TANK: variants seen among roughly 807,000 people sequenced by gnomAD.
The protein encoded by TANK is TRAF family member-associated NF-kappa-B activator.
A neutral mutation model predicts 43.6 loss-of-function variants in TANK; 15 were observed. The observed-to-expected ratio is 0.34, with a 90% CI of 0.23 to 0.53. The LOEUF is 0.53. TANK is among the 20% of genes least tolerant of loss of function. The pLI is 0.94. For synonymous variants in TANK, 162 were observed against 178.2 expected (o/e 0.91, Z 0.73); for missense variants, 417 against 498.6 (o/e 0.84, Z 1.56).
chr2:161,232,876 G>T, intron 7 of TANK: 1 of 1,545,660 alleles, frequency 6.5e-7, no homozygotes, highest in South Asian at 1.2e-5. Context: ...GTGTTGAGTT[G>T]TCACAAGACA....
intron 6 of TANK, among the ~76,000 whole-genome samples, chr2:161,228,405 C>T (rs1343640068): frequency 1.3e-5 from 2 of 152,164 alleles, no homozygotes; most frequent in African/African-American, 2.4e-5. Context: ...GTGACGCATG[C>T]CCGTAATCCC....
intron 4 of TANK, chr2:161,205,097 G>A: frequency 3.7e-6 from 2 of 536,776 alleles, no homozygotes; most frequent in Non-Finnish European, 5.2e-6. Context: ...GGCCAAGGAG[G>A]GAGGATCACT....
Position 161,185,981 on chromosome 2 carries a change from A to G in TANK, c.99+6220A>G, listed in dbSNP as rs532862737. Among the ~76,000 whole-genome samples, 8 of 152,326 alleles carry G rather than the reference A, an allele frequency of 5.3e-5. No homozygotes were observed. In the South Asian group the frequency reaches 1.7e-3, roughly 32 times the overall value. On this transcript the variant is annotated intron_variant, in intron 2 of 7. Transcript: ENST00000392749. ...ATCAGTCTCCTACTCAAAATTTTTC[A>G]GTGATTTCTATAAAATAAAAGCCAA...
At chr2:161,160,615 G>A (rs1171233543) in intron 1 of TANK, 129 bp downstream of exon 1, 2 of 764,438 alleles carry the variant, frequency 2.6e-6, no homozygotes, top group Non-Finnish European at 3.8e-6. Context: ...GAGGAGCAGC[G>A]GAGACAACCA....
intron 2 of TANK, chr2:161,197,209 A>G (rs1480912302): frequency 1.3e-5 from 2 of 152,046 alleles, no homozygotes; most frequent in Admixed American, 6.5e-5. Context: ...TGTTATTTGA[A>G]TTTTTCAACA....
chr2:161,191,774 C>T (rs968035386), intron 2 of TANK, among the ~76,000 whole-genome samples: 7 of 152,042 alleles, frequency 4.6e-5, no homozygotes, highest in African/African-American at 1.7e-4. Flanking sequence ...ATACCTTGTA[C>T]TACCCTTCCT....
chr2:161,191,701 AAATTGTC>A (rs1685922200), intron 2 of TANK, among the ~76,000 whole-genome samples: 1 of 152,208 alleles, frequency 6.6e-6, no homozygotes, highest in Admixed American at 6.5e-5. Context: ...TCTCTGCCAA[AAATTGTC>A]AATAGTCTTT....
Position 161,235,375 on chromosome 2 carries a change from G to A in TANK, c.1135G>A (p.Asp379Asn), listed in dbSNP as rs143921318. The change falls in exon 8 of 8, where the codon GAC becomes AAC. Residue 379 changes from aspartate (D) to asparagine (N), a missense_variant. Transcript: ENST00000392749. Reference protein sequence around the residue: ...IWKPFPNQDSDSVVLSGTDSE... With the variant: ...IWKPFPNQDSNSVVLSGTDSE... ...GAAGCCCTTTCCTAATCAAGACAGT[G>A]ACTCGGTGGTACTAAGTGGCACAGA... 8.7e-6 allele frequency: 14 copies of A among 1,610,244 alleles called. No homozygotes were observed. In the African/African-American group the frequency reaches 1.2e-4, roughly 14 times the overall value.
chr2:161,138,932 A>C (rs1443945985), intron 1 of TANK, among the ~76,000 whole-genome samples: 1 of 152,152 alleles, frequency 6.6e-6, no homozygotes, highest in South Asian at 2.1e-4. Context: ...GAAGTTCTTT[A>C]TTTATCATTA....
intron 1 of TANK, among the ~76,000 whole-genome samples, chr2:161,176,756 T>A (rs528781290): frequency 6.6e-6 from 1 of 152,254 alleles, no homozygotes; most frequent in East Asian, 1.9e-4. Context: ...GGTCAGTCAG[T>A]AATAGAACAA....
intron 1 of TANK, among the ~76,000 whole-genome samples, chr2:161,155,097 A>T (rs982349425): frequency 1.3e-5 from 2 of 152,086 alleles, no homozygotes; most frequent in Non-Finnish European, 2.9e-5. Context: ...TCTTCATATT[A>T]AAAAAACTAA....
intron 4 of TANK, chr2:161,205,061 A>C: frequency 1.2e-6 from 1 of 863,754 alleles, no homozygotes; most frequent in East Asian, 7.0e-5. Flanking sequence ...ACACTGACTC[A>C]CTCCTGTAAT....
At chr2:161,207,673 A>C (rs778897322) in intron 4 of TANK, 61 of 985,306 alleles carry the variant, frequency 6.2e-5, no homozygotes, top group Non-Finnish European at 1.2e-5. Flanking sequence ...AATATGTTCC[A>C]TTGGCCTATG....
intron 4 of TANK, among the ~76,000 whole-genome samples, chr2:161,215,452 T>C (rs1687076704): frequency 6.6e-6 from 1 of 152,214 alleles, no homozygotes; most frequent in South Asian, 2.1e-4. Flanking sequence ...ATATTAAGTC[T>C]AGAGCAGACT....
intron 2 of TANK, among the ~76,000 whole-genome samples, chr2:161,193,776 A>T (rs966308435): frequency 7.9e-5 from 12 of 152,148 alleles, no homozygotes; most frequent in African/African-American, 2.7e-4. Context: ...TGTGCAGATG[A>T]TTTCTGTTCA....
chr2:161,181,408 G>A (rs1446859565), intron 2 of TANK, among the ~76,000 whole-genome samples: 3 of 151,948 alleles, frequency 2.0e-5, no homozygotes, highest in Non-Finnish European at 4.4e-5. Context: ...TAATAAGAAC[G>A]AAACTCCATC....
intron 4 of TANK, chr2:161,207,693 A>G (rs1222176978): frequency 3.0e-6 from 3 of 985,372 alleles, no homozygotes; most frequent in African/African-American, 1.7e-5. Flanking sequence ...GTGTTGATCT[A>G]TACTTAGTGA....
intron 1 of TANK, among the ~76,000 whole-genome samples, chr2:161,148,732 A>T (rs1683987697): frequency 6.6e-6 from 1 of 152,094 alleles, no homozygotes; most frequent in Non-Finnish European, 1.5e-5. Flanking sequence ...TTTCTTTTGC[A>T]TGTGGTTATC....
intron 4 of TANK, among the ~76,000 whole-genome samples, chr2:161,208,781 A>G (rs1287299926): frequency 6.6e-6 from 1 of 152,208 alleles, no homozygotes; most frequent in Non-Finnish European, 1.5e-5. Flanking sequence ...ACTCAAAGTA[A>G]GGGATCTGAG....
Sources: allele counts gnomAD v4.1 joint callset (sites outside exome capture counted in the v4.1 genomes callset), GRCh38; gene constraint gnomAD v4.1.1; transcripts MANE v1.5; gene names NCBI Gene and HGNC (gene_info 2026-07-23, HGNC 2026-07-21).